Variants in APBB2 observed in about 807,000 individuals in gnomAD.
APBB2 encodes Fe65-like 1.
In APBB2, 38 loss-of-function variants were observed where a neutral mutation model predicts 82.5. The ratio of observed to expected loss-of-function variants is 0.46; its 90% CI spans 0.36 to 0.60. The LOEUF (loss-of-function observed/expected upper bound fraction) is 0.60, where lower values mean the gene tolerates loss of function less well. Among genes scored for constraint, APBB2 ranks in the 20% least tolerant of loss-of-function variants. The pLI, the probability that APBB2 is intolerant of heterozygous loss-of-function variation, is 0.00. For missense variants in APBB2, 772 were observed against 972.3 expected, an observed-to-expected ratio of 0.79 and a Z score of 2.74; for synonymous variants, 341 against 368.2, an observed-to-expected ratio of 0.93 and a Z score of 0.85.
intron 10 of APBB2, among the ~76,000 whole-genome samples, chr4:40,915,891 A>G (rs1779719706): frequency 1.3e-5 from 2 of 152,118 alleles, no homozygotes; most frequent in South Asian, 4.2e-4. Context: ...CATTAGCCAG[A>G]GTTGTGACTA....
intron 12 of APBB2, among the ~76,000 whole-genome samples, chr4:40,849,125 GGGAGTT>G (rs768254050): frequency 1.1e-3 from 168 of 152,312 alleles, no homozygotes; most frequent in Non-Finnish European, 2.0e-3. Context: ...ACAAACAGTA[GGGAGTT>G]GGCTGGATTC....
intron 1 of APBB2, among the ~76,000 whole-genome samples, chr4:41,207,364 A>G (rs1388587322): frequency 6.6e-6 from 1 of 152,086 alleles, no homozygotes; most frequent in Non-Finnish European, 1.5e-5. Flanking sequence ...CCCTGGAGGG[A>G]ATGATACTGC....
intron 10 of APBB2, among the ~76,000 whole-genome samples, chr4:40,923,819 T>C (rs1175899380): frequency 2.6e-5 from 4 of 152,320 alleles, no homozygotes; most frequent in Non-Finnish European, 4.4e-5. Flanking sequence ...CGGCTGCCAA[T>C]TCCTCGACCG....
At chr4:40,836,373 A>G (rs1753950260) in intron 12 of APBB2, among the ~76,000 whole-genome samples, 1 of 152,198 alleles carries the variant, frequency 6.6e-6, no homozygotes, top group East Asian at 1.9e-4. Context: ...GCTACTTGGG[A>G]GGCTGAGGTG....
intron 10 of APBB2, among the ~76,000 whole-genome samples, chr4:40,924,933 A>T (rs1432422043): frequency 2.6e-5 from 4 of 152,196 alleles, no homozygotes; most frequent in Non-Finnish European, 5.9e-5. Context: ...AATGAACACA[A>T]ATTTACATAT....
intron 5 of APBB2, among the ~76,000 whole-genome samples, chr4:41,021,196 G>A (rs576045639): frequency 5.5e-4 from 84 of 152,196 alleles, no homozygotes; most frequent in African/African-American, 1.9e-3. Context: ...CCCCTGAACC[G>A]ACCCGCTGGC....
chr4:40,908,215 G>A lies in APBB2; in HGVS notation c.1255-14804C>T, dbSNP rs975467468. On this transcript the variant is annotated intron_variant, in intron 10 of 17. Coordinates refer to ENST00000508593, the MANE Select transcript of APBB2 (RefSeq NM_004307.2). ...CACAAACCCGGGAGAGCGGCCCCAGGGGAAGCCAAACCTGCTTTCACAGTG... is the reference window on the plus strand; with the variant it reads ...CACAAACCCGGGAGAGCGGCCCCAGAGGAAGCCAAACCTGCTTTCACAGTG... 3.9e-5 allele frequency among the ~76,000 whole-genome samples: 6 copies of A among 152,088 alleles called. No individual in the cohort carries two copies. The South Asian group carries it at 8.3e-4, about 21-fold the overall frequency.
intron 3 of APBB2, among the ~76,000 whole-genome samples, chr4:41,066,136 G>GA (rs36009324): frequency 0.075 from 7,846 of 104,252 alleles, 217 homozygotes; most frequent in Middle Eastern, 0.17. Flanking sequence ...ATGTTGATTG[G>GA]AAAAAAAAAA....
At chr4:40,881,267 G>A (rs548842587) in intron 12 of APBB2, 1 of 984,952 alleles carries the variant, frequency 1.0e-6, no homozygotes, top group African/African-American at 1.7e-5. Flanking sequence ...TTCTCCCTGA[G>A]GCAAGACAGC....
intron 12 of APBB2, 42 bp downstream of exon 12, chr4:40,890,322 A>G (rs772704560): frequency 1.9e-6 from 3 of 1,589,468 alleles, no homozygotes; most frequent in African/African-American, 2.7e-5. Context: ...TAGACCAGGG[A>G]CACGGGTGAG....
At chr4:41,202,211 T>C (rs928562943) in intron 1 of APBB2, among the ~76,000 whole-genome samples, 1 of 152,228 alleles carries the variant, frequency 6.6e-6, no homozygotes, top group Admixed American at 6.5e-5. Context: ...TATTAAACAG[T>C]AACTCTCCAT....
At chr4:41,178,630 A>G (rs538463469) in intron 1 of APBB2, among the ~76,000 whole-genome samples, 1 of 152,302 alleles carries the variant, frequency 6.6e-6, no homozygotes, top group South Asian at 2.1e-4. Context: ...TCACATCACC[A>G]TCTAATATGG....
chr4:41,051,759 C>A (rs1261098539), intron 4 of APBB2, among the ~76,000 whole-genome samples: 1 of 152,194 alleles, frequency 6.6e-6, no homozygotes. Flanking sequence ...CTAAGAGCAT[C>A]TACCACCTTT....
intron 10 of APBB2, among the ~76,000 whole-genome samples, chr4:40,926,498 T>C (rs1187505486): frequency 1.3e-5 from 2 of 152,118 alleles, no homozygotes; most frequent in African/African-American, 2.4e-5. Context: ...CAGGCTGGCA[T>C]GCGGTGGCGC....
chr4:40,959,246 GGAGAA>G lies in APBB2; in HGVS notation c.836-14178_836-14174del, dbSNP rs1792458196. Among the ~76,000 whole-genome samples, 3 of 152,328 alleles carry G rather than the reference GGAGAA, an allele frequency of 2.0e-5. No individual in the cohort carries two copies. In the South Asian group the frequency reaches 6.2e-4, roughly 32 times the overall value. ...TATTCTTATTTCAGAGTGAGCAGCA[GGAGAA>G]GAGAAGACAAAATACAACCAGGGGC... On this transcript the variant is annotated intron_variant, in intron 6 of 17. Transcript: ENST00000508593.
At chr4:40,986,838 T>C (rs1211406684) in intron 6 of APBB2, among the ~76,000 whole-genome samples, 2 of 152,188 alleles carry the variant, frequency 1.3e-5, no homozygotes, top group African/African-American at 4.8e-5. Flanking sequence ...TGTAAAATAA[T>C]GAAAAATTAT....
rs1462548459 is a variant in APBB2, at chr4:41,054,631, CAACAAACA to C, written c.-51+10937_-51+10944del. On this transcript the variant is annotated intron_variant, in intron 4 of 17. Coordinates refer to ENST00000508593, the MANE Select transcript of APBB2 (RefSeq NM_004307.2). Reference sequence around the variant, plus strand: ...GTTTTAAAAATTCCCATACCTATAACAACAAACAAATAAAAATTGCTTAATCTTTTAAG... The same window carrying C: ...GTTTTAAAAATTCCCATACCTATAACAATAAAAATTGCTTAATCTTTTAAG... Among the ~76,000 whole-genome samples the C allele has an allele frequency of 5.9e-5, 9 of 152,246 alleles. No homozygotes were observed. The East Asian group carries it at 1.7e-3, about 29-fold the overall frequency.
chr4:41,009,677 G>A (rs540290614), intron 6 of APBB2, among the ~76,000 whole-genome samples: 2 of 148,170 alleles, frequency 1.3e-5, no homozygotes, highest in Admixed American at 1.3e-4. Flanking sequence ...ACACCACTGT[G>A]ATGACTATGT....
chr4:41,112,060 T>A (rs1050368798), intron 2 of APBB2, among the ~76,000 whole-genome samples: 3 of 152,204 alleles, frequency 2.0e-5, no homozygotes, highest in Non-Finnish European at 4.4e-5. Flanking sequence ...TGGGATGGGC[T>A]GAGTTCCACA....
Sources: allele counts gnomAD v4.1 joint callset (sites outside exome capture counted in the v4.1 genomes callset), GRCh38; gene constraint gnomAD v4.1.1; transcripts MANE v1.5; gene names NCBI Gene and HGNC (gene_info 2026-07-23, HGNC 2026-07-21).